Variants in ZNF540 observed in about 807,000 individuals in gnomAD.
ZNF540 encodes zinc finger protein 540.
In ZNF540, 3 loss-of-function variants were observed where a neutral mutation model predicts 11.8. The observed-to-expected ratio is 0.25, with a 90% CI of 0.12 to 0.65. The LOEUF is 0.65. Among genes scored for constraint, ZNF540 ranks in the 30% least tolerant of loss-of-function variants. ZNF540 has a pLI of 0.83. For synonymous variants in ZNF540, 247 were observed against 259.0 expected, an observed-to-expected ratio of 0.95 and a Z score of 0.45; for missense variants, 709 against 793.1, an observed-to-expected ratio of 0.89 and a Z score of 1.27.
At position 37,613,541 on chromosome 19, in the gene ZNF540, TGCTTCTTG is replaced by T; in HGVS notation, c.*280_*287del. The T allele has an allele frequency of 5.1e-6, 2 of 394,724 alleles. No homozygotes were observed. Among genetic ancestry groups the T allele is most frequent in the Non-Finnish European group, 9.0e-6 (2 of 222,970 alleles). The allele number at this position is 394,724 out of a possible 1,614,324, so 24.5% of individuals were successfully genotyped here. A position where few individuals can be genotyped will look rare whatever the true frequency, so the allele number is the denominator to read the frequency against. On this transcript the variant is annotated 3_prime_UTR_variant, in exon 5 of 5. Coordinates refer to ENST00000316433, the MANE Select transcript of ZNF540 (RefSeq NM_001172225.3). ...TCTGTGTGATATTAGACAAAATATT[TGCTTCTTG>T]GTACCTCAGCTGTAAAATGAAACAC... is the stretch of plus-strand genomic sequence containing the variant.
In ZNF540 at chr19:37,611,874, T is replaced by C; in HGVS notation, c.594T>C (p.Asn198=). 1 of 1,613,938 alleles carries C rather than the reference T, an allele frequency of 6.2e-7. No individual in the cohort carries two copies. The highest frequency in any genetic ancestry group is 1.3e-5 in the African/African-American group (1 of 75,060). ...AAGAATGTGGGAGTACTTTTAATAA[T>C]GTCTATCAGCTTACTCTCCATCAGA... ...DCKECGSTFN[N]VYQLTLHQKI... is the part of the protein sequence containing the mutation. Residue 198 remains asparagine, a synonymous_variant, in exon 5 of 5, where the codon AAT becomes AAC. Coordinates refer to ENST00000316433, the MANE Select transcript of ZNF540 (RefSeq NM_001172225.3).
At chr19:37,558,031 A>C (rs897870585) in intron 1 of ZNF540, among the ~76,000 whole-genome samples, 2 of 152,240 alleles carry the variant, frequency 1.3e-5, no homozygotes, top group East Asian at 1.9e-4. Flanking sequence ...ATGGACAAAC[A>C]GGTGAAACGG....
chr19:37,564,674 G>A, intron 1 of ZNF540: 1 of 1,613,112 alleles, frequency 6.2e-7, no homozygotes, highest in Non-Finnish European at 8.5e-7. Context: ...ACATGTATAG[G>A]GTTTCTCACC....
At chr19:37,587,495 A>C (rs1030781534) in intron 1 of ZNF540, 3 of 152,350 alleles carry the variant, frequency 2.0e-5, no homozygotes, top group Non-Finnish European at 2.9e-5. Context: ...ATGACAGCCA[A>C]TGTGCGCACA....
At chr19:37,562,264 C>G (rs2042724850) in intron 1 of ZNF540, 1 of 152,186 alleles carries the variant, frequency 6.6e-6, no homozygotes, top group African/African-American at 2.4e-5. Context: ...CACCTGTAAT[C>G]CCAGCTACGT....
chr19:37,583,054 C>G (rs2043529407), intron 1 of ZNF540, among the ~76,000 whole-genome samples: 2 of 152,204 alleles, frequency 1.3e-5, no homozygotes, highest in Non-Finnish European at 2.9e-5. Flanking sequence ...TTTCCACTTT[C>G]AGTAGCCACA....
At chr19:37,561,870 C>G (rs2042720921) in intron 1 of ZNF540, among the ~76,000 whole-genome samples, 1 of 152,128 alleles carries the variant, frequency 6.6e-6, no homozygotes. Context: ...ATAACTTATC[C>G]AATCTGAACA....
chr19:37,574,224 T>C (rs1216014392), intron 1 of ZNF540, among the ~76,000 whole-genome samples: 1 of 152,208 alleles, frequency 6.6e-6, no homozygotes, highest in Non-Finnish European at 1.5e-5. Flanking sequence ...GATTTAATTA[T>C]TAAAACCGCA....
chr19:37,603,073 T>C (rs932205504), intron 4 of ZNF540, among the ~76,000 whole-genome samples: 8 of 147,460 alleles, frequency 5.4e-5, no homozygotes, highest in Admixed American at 6.9e-5. Flanking sequence ...AATGGCATGA[T>C]CTCGGCTCAC....
Position 37,613,024 on chromosome 19 carries a change from A to C in ZNF540, c.1744A>C (p.Lys582Gln). 6.2e-7 allele frequency: 1 copy of C among 1,614,182 alleles called. No homozygotes were observed. The highest frequency in any genetic ancestry group is 8.5e-7 in the Non-Finnish European group (1 of 1,180,010). ...IHTGVKPYKC[K>Q]ECGKAFSRSV... Reference sequence around the variant, plus strand: ...TACGGGTGTAAAACCATACAAATGTAAAGAATGTGGGAAGGCCTTTAGTCG... The same window carrying C: ...TACGGGTGTAAAACCATACAAATGTCAAGAATGTGGGAAGGCCTTTAGTCG... The change falls in exon 5 of 5, where the codon AAA becomes CAA. Residue 582 changes from lysine (K) to glutamine (Q), a missense_variant. By Grantham distance (53) the Lys-to-Gln change is moderately conservative. Transcript: ENST00000316433.
intron 1 of ZNF540, chr19:37,575,465 C>T (rs1192640935): frequency 6.6e-6 from 1 of 152,140 alleles, no homozygotes; most frequent in Non-Finnish European, 1.5e-5. Context: ...ATTCACAGTA[C>T]ATTCAGTCAA....
At chr19:37,577,344 A>G (rs16974028) in intron 1 of ZNF540, among the ~76,000 whole-genome samples, 481 of 152,344 alleles carry the variant, frequency 3.2e-3, no homozygotes, top group African/African-American at 0.011. Flanking sequence ...GGAAGGTTTC[A>G]TATTGATTTG....
intron 4 of ZNF540, among the ~76,000 whole-genome samples, chr19:37,610,082 A>G (rs924186741): frequency 1.3e-5 from 2 of 152,212 alleles, no homozygotes; most frequent in African/African-American, 4.8e-5. Flanking sequence ...CCTTGGATTT[A>G]CTTTTGTTCT....
intron 1 of ZNF540, among the ~76,000 whole-genome samples, chr19:37,553,012 T>G (rs914639730): frequency 3.8e-4 from 17 of 44,806 alleles, no homozygotes; most frequent in East Asian, 2.2e-3. Flanking sequence ...GCATGGTGTT[T>G]TTTTTTTTTT....
intron 4 of ZNF540, among the ~76,000 whole-genome samples, chr19:37,603,920 T>G (rs1899534139): frequency 6.6e-6 from 1 of 152,226 alleles, no homozygotes; most frequent in Admixed American, 6.5e-5. Context: ...ATTCTTGGGC[T>G]GTATATAATC....
At chr19:37,574,408 C>A (rs752568367) in intron 1 of ZNF540, among the ~76,000 whole-genome samples, 28 of 152,168 alleles carry the variant, frequency 1.8e-4, no homozygotes, top group Non-Finnish European at 4.0e-4. Context: ...GTCTTGCAAT[C>A]AGTATTATTT....
At chr19:37,602,199 AAC>A (rs2147227724) in intron 4 of ZNF540, among the ~76,000 whole-genome samples, 1 of 152,318 alleles carries the variant, frequency 6.6e-6, no homozygotes, top group Non-Finnish European at 1.5e-5. Flanking sequence ...ATCATAGGTG[AAC>A]AAGCAGCTAA....
chr19:37,603,725 CA>C, intron 4 of ZNF540, among the ~76,000 whole-genome samples: 1 of 152,218 alleles, frequency 6.6e-6, no homozygotes, highest in South Asian at 2.1e-4. Context: ...AGTCATTTCA[CA>C]ATGTATATAT....
At chr19:37,590,891 T>C (rs141114234), upstream of ZNF540, among the ~76,000 whole-genome samples, 340 of 152,304 alleles carry the variant, frequency 2.2e-3, no homozygotes, top group Middle Eastern at 0.017. Context: ...TAAAATGCAT[T>C]CTCTATCTTA....
Sources: allele counts gnomAD v4.1 joint callset (sites outside exome capture counted in the v4.1 genomes callset), GRCh38; gene constraint gnomAD v4.1.1; transcripts MANE v1.5; gene names NCBI Gene and HGNC (gene_info 2026-07-23, HGNC 2026-07-21).